Variants in PIEZO2 observed in about 807,000 individuals in gnomAD.
PIEZO2 encodes piezo type mechanosensitive ion channel component 2.
Under a neutral mutation model 337.3 loss-of-function variants are expected in PIEZO2, and 172 were observed. That is an observed-to-expected ratio of 0.51 (90% CI 0.45 to 0.58). The LOEUF (loss-of-function observed/expected upper bound fraction) is 0.58. Ranked by LOEUF, PIEZO2 falls within the 20% of genes least tolerant of loss-of-function variation. PIEZO2 has a pLI of 0.00. For missense variants in PIEZO2, 3,028 were observed against 3,391.3 expected (o/e 0.89, Z 2.66); for synonymous variants, 1,251 against 1,228.5 (o/e 1.02, Z -0.38).
intron 3 of PIEZO2, among the ~76,000 whole-genome samples, chr18:10,964,245 G>A (rs1270008670): frequency 6.6e-6 from 1 of 151,920 alleles, no homozygotes; most frequent in East Asian, 1.9e-4. Flanking sequence ...TTATAAACAT[G>A]AGCAAAAAAT....
In PIEZO2 at chr18:10,750,133, G is replaced by C. The variant is rs1443411732; in HGVS notation, c.4222C>G (p.Gln1408Glu). 5 of 1,537,042 alleles carry C rather than the reference G, an allele frequency of 3.3e-6. No individual in the cohort carries two copies. The highest frequency in any genetic ancestry group is 4.4e-6 in the Non-Finnish European group (5 of 1,146,860). Residue 1408 changes from glutamine (Q) to glutamate (E), a missense_variant, in exon 29 of 56, where the codon CAG (glutamine) becomes GAG (glutamate). This residue lies in a region of PIEZO2 where 1,925 missense variants were observed against 2,051.9 expected (regional missense o/e 0.94). Coordinates refer to ENST00000674853, the MANE Select transcript of PIEZO2 (RefSeq NM_001378183.1). This position sits in a 1 kb window ranked among gnomAD's most constrained non-coding sequence, Gnocchi z 4.1. ...ACTGTGCAGGCCAGGCTGAAAGCCTGGATCAACCAACAACTATTGTGCACC... is the reference window on the plus strand; with the variant it reads ...ACTGTGCAGGCCAGGCTGAAAGCCTCGATCAACCAACAACTATTGTGCACC... ...TLVHNSCWLIQAFSLACTVKG... is the reference protein window; with the variant it reads ...TLVHNSCWLIEAFSLACTVKG...
chr18:10,838,807 T>C (rs1276161661), intron 7 of PIEZO2, among the ~76,000 whole-genome samples: 1 of 152,186 alleles, frequency 6.6e-6, no homozygotes, highest in Non-Finnish European at 1.5e-5. Flanking sequence ...AGAACTCCCA[T>C]GACCAGCTGG....
At chr18:10,829,407 C>T (rs1318673933) in intron 7 of PIEZO2, among the ~76,000 whole-genome samples, 6 of 152,178 alleles carry the variant, frequency 3.9e-5, no homozygotes, top group Non-Finnish European at 7.3e-5. Context: ...CAAGGATGCC[C>T]ACATTCCCCA....
chr18:10,823,373 T>C (rs975595489), intron 7 of PIEZO2, among the ~76,000 whole-genome samples: 1 of 151,568 alleles, frequency 6.6e-6, no homozygotes. Context: ...CCTTCACAAC[T>C]ATGATGACTT....
intron 15 of PIEZO2, among the ~76,000 whole-genome samples, chr18:10,788,578 T>C (rs1212926820): frequency 6.6e-6 from 1 of 152,080 alleles, no homozygotes; most frequent in Non-Finnish European, 1.5e-5. Context: ...ACCTAAAATT[T>C]TTATTTTTAC....
chr18:10,730,244 C>T (rs1163039355), intron 36 of PIEZO2, among the ~76,000 whole-genome samples: 2 of 152,204 alleles, frequency 1.3e-5, no homozygotes, highest in African/African-American at 4.8e-5. Flanking sequence ...ACTTATCTTC[C>T]TACTAGCTCC....
intron 33 of PIEZO2, chr18:10,740,758 C>A: frequency 1.7e-6 from 1 of 586,384 alleles, no homozygotes; most frequent in Non-Finnish European, 3.0e-6. Context: ...CCTTTCTGAG[C>A]CCATAAATTA....
At chr18:11,043,038 G>C (rs2037178788) in intron 2 of PIEZO2, among the ~76,000 whole-genome samples, 1 of 152,108 alleles carries the variant, frequency 6.6e-6, no homozygotes, top group Non-Finnish European at 1.5e-5. Context: ...AAGTCTAATT[G>C]GCTAACCATA....
intron 1 of PIEZO2, among the ~76,000 whole-genome samples, chr18:11,093,928 G>C (rs946523938): frequency 6.6e-6 from 1 of 151,904 alleles, no homozygotes; most frequent in Non-Finnish European, 1.5e-5. Flanking sequence ...CATAAGTCTC[G>C]GATAGCTAAA....
rs1426554288 is a variant in PIEZO2 at position 10,781,185 on chromosome 18, A to G, written c.2493-819T>C. Among the ~76,000 whole-genome samples the G allele has an allele frequency of 3.9e-5, 6 of 152,130 alleles. No individual in the cohort carries two copies. Among genetic ancestry groups the G allele is most frequent in the African/African-American group, 1.4e-4 (6 of 41,428 alleles). ...AATTAAAGAGCTATAAAAGTAATGAATATGGCCGGGTGTGGTGGCTCACGC... is the reference window on the plus strand; with the variant it reads ...AATTAAAGAGCTATAAAAGTAATGAGTATGGCCGGGTGTGGTGGCTCACGC... On this transcript the variant is annotated intron_variant, in intron 17 of 55. Coordinates refer to ENST00000674853, the MANE Select transcript of PIEZO2 (RefSeq NM_001378183.1). The surrounding 1 kb of genome is among the most constrained non-coding windows in gnomAD (Gnocchi z 4.1).
chr18:10,782,220 T>C (rs1331569982), intron 17 of PIEZO2, among the ~76,000 whole-genome samples: 3 of 132,286 alleles, frequency 2.3e-5, no homozygotes. Flanking sequence ...ATTATATATA[T>C]CATAATATAT....
At chr18:11,059,362 A>C (rs946011474) in intron 2 of PIEZO2, among the ~76,000 whole-genome samples, 2 of 152,204 alleles carry the variant, frequency 1.3e-5, no homozygotes, top group African/African-American at 4.8e-5. Context: ...CAGGCAAAAT[A>C]ACCAGCTAAC....
chr18:10,976,104 A>G (rs1003294887), intron 3 of PIEZO2, among the ~76,000 whole-genome samples: 7 of 152,248 alleles, frequency 4.6e-5, no homozygotes, highest in African/African-American at 1.7e-4. Flanking sequence ...CTAAATTAAA[A>G]GTCAGTGTTT....
chr18:10,723,689 G>A (rs1161176355), intron 36 of PIEZO2, among the ~76,000 whole-genome samples: 1 of 152,156 alleles, frequency 6.6e-6, no homozygotes, highest in Non-Finnish European at 1.5e-5. Context: ...CAGTCTCTGG[G>A]GGGAGACGGG....
chr18:10,935,352 G>A (rs1308927359), intron 3 of PIEZO2, among the ~76,000 whole-genome samples: 1 of 152,224 alleles, frequency 6.6e-6, no homozygotes, highest in Non-Finnish European at 1.5e-5. Flanking sequence ...TAACTGCCCA[G>A]AAGAGCAGTT....
intron 2 of PIEZO2, among the ~76,000 whole-genome samples, chr18:11,007,214 A>C (rs1220683283): frequency 1.3e-5 from 2 of 152,240 alleles, no homozygotes; most frequent in East Asian, 3.8e-4. Flanking sequence ...CTCAAAAACA[A>C]TGATGAATTG....
chr18:10,739,483 C>T (rs142654021), intron 33 of PIEZO2: 69 of 152,246 alleles, frequency 4.5e-4, no homozygotes, highest in African/African-American at 1.4e-3. Context: ...CCACAATGAC[C>T]GCGGTGGGAA....
rs994452290 is a variant in PIEZO2 at position 10,952,207 on chromosome 18, G to A, written c.286+27328C>T. Reference sequence around the variant, plus strand: ...CCAATGTGTTACCACTGTGGTCGCTGGCTCTTTTTAAATCATTTTTTTTCT... The same window carrying A: ...CCAATGTGTTACCACTGTGGTCGCTAGCTCTTTTTAAATCATTTTTTTTCT... On this transcript the variant is annotated intron_variant, in intron 3 of 55. Transcript: ENST00000674853. This position sits in a 1 kb window ranked among gnomAD's most constrained non-coding sequence, Gnocchi z 4.1. Among the ~76,000 whole-genome samples, 1 of 152,064 alleles carries A rather than the reference G, an allele frequency of 6.6e-6. No individual in the cohort carries two copies. Among genetic ancestry groups the A allele is most frequent in the African/African-American group, 2.4e-5 (1 of 41,392 alleles).
intron 3 of PIEZO2, among the ~76,000 whole-genome samples, chr18:10,948,246 A>G (rs370799271): frequency 6.6e-6 from 1 of 152,320 alleles, no homozygotes; most frequent in East Asian, 1.9e-4. Flanking sequence ...ATATTACATT[A>G]AAATTATTGT....
Sources: allele counts gnomAD v4.1 joint callset (sites outside exome capture counted in the v4.1 genomes callset), GRCh38; gene constraint gnomAD v4.1.1; regional missense constraint gnomAD v4.1.1; non-coding constraint Gnocchi (gnomAD v3.1); transcripts MANE v1.5; gene names NCBI Gene and HGNC (gene_info 2026-07-23, HGNC 2026-07-21).